Variants in UNC5D observed in about 807,000 individuals in gnomAD.
The protein encoded by UNC5D is unc-5 netrin receptor D, also known as netrin receptor UNC5D.
UNC5D carries 39 observed loss-of-function variants against 105.4 expected under a neutral mutation model. The ratio of observed to expected loss-of-function variants is 0.37; its 90% CI spans 0.29 to 0.48. The LOEUF is 0.48. Among genes scored for constraint, UNC5D ranks in the 20% least tolerant of loss-of-function variants. UNC5D has a pLI of 0.98. For missense variants in UNC5D, 991 were observed against 1,202.4 expected, an observed-to-expected ratio of 0.82 and a Z score of 2.60; for synonymous variants, 452 against 450.4, an observed-to-expected ratio of 1.00 and a Z score of -0.04.
At chr8:35,262,887 T>A (rs186669997) in intron 1 of UNC5D, among the ~76,000 whole-genome samples, 40 of 152,330 alleles carry the variant, frequency 2.6e-4, no homozygotes, top group Admixed American at 1.6e-3. Context: ...GTACGATTAA[T>A]CTTCAGTACC....
intron 8 of UNC5D, 111 bp from the exon 9 acceptor site, chr8:35,722,099 G>A (rs1399125896): frequency 1.7e-6 from 2 of 1,207,418 alleles, no homozygotes; most frequent in African/African-American, 3.0e-5. Flanking sequence ...ATCTGTCATT[G>A]TCTCTGAGCA....
chr8:35,433,485 C>A (rs761687568), intron 1 of UNC5D, among the ~76,000 whole-genome samples: 4 of 152,044 alleles, frequency 2.6e-5, no homozygotes, highest in Non-Finnish European at 4.4e-5. Flanking sequence ...GTATTAATTT[C>A]TATCAACTCC....
intron 8 of UNC5D, among the ~76,000 whole-genome samples, chr8:35,710,456 G>T (rs1280906724): frequency 6.6e-6 from 1 of 152,146 alleles, no homozygotes; most frequent in Non-Finnish European, 1.5e-5. Flanking sequence ...CTAAGTTTGA[G>T]TTACCTATTA....
At chr8:35,687,571 T>C (rs967892623) in intron 7 of UNC5D, among the ~76,000 whole-genome samples, 3 of 152,124 alleles carry the variant, frequency 2.0e-5, no homozygotes, top group African/African-American at 7.2e-5. Context: ...AAGTCTTGGC[T>C]TTATTCCTGA....
At chr8:35,489,420 G>A (rs1432086526) in intron 1 of UNC5D, among the ~76,000 whole-genome samples, 2 of 152,098 alleles carry the variant, frequency 1.3e-5, no homozygotes, top group Non-Finnish European at 2.9e-5. Flanking sequence ...CATTTAAGAA[G>A]GTGATTAAGT....
Position 35,764,589 on chromosome 8 carries a change from G to A in UNC5D, c.2314-2313G>A, listed in dbSNP as rs373014081. Among the ~76,000 whole-genome samples the A allele has an allele frequency of 3.3e-5, 5 of 152,328 alleles. No individual in the cohort carries two copies. In the East Asian group the frequency reaches 5.8e-4, roughly 18 times the overall value. On this transcript the variant is annotated intron_variant, in intron 14 of 16. Transcript: ENST00000404895. ...GAGAAAATGACTTACTGTAGGCATT[G>A]CAGGAGGCCCCACAAATCAGAAATG...
intron 1 of UNC5D, among the ~76,000 whole-genome samples, chr8:35,540,951 C>T (rs1186062121): frequency 6.6e-6 from 1 of 152,128 alleles, no homozygotes; most frequent in African/African-American, 2.4e-5. Context: ...AGGGCCCATG[C>T]TGTAAACCAA....
chr8:35,256,696 C>T (rs1039030679), intron 1 of UNC5D: 1 of 152,000 alleles, frequency 6.6e-6, no homozygotes, highest in Non-Finnish European at 1.5e-5. Context: ...CACAGGGCAG[C>T]CTAACTCCAA....
rs139207680 is a variant in UNC5D, at chr8:35,323,972, G to A, written c.103+88085G>A. Among the ~76,000 whole-genome samples, 18 of 152,186 alleles carry A rather than the reference G, an allele frequency of 1.2e-4. No individual in the cohort carries two copies. In the East Asian group the frequency reaches 3.3e-3, roughly 28 times the overall value. The stretch of plus-strand genomic sequence containing the variant: ...TGACTGGGTATGTTGGCTCATTCCT[G>A]TAATCCCAGCACTTTGGGAAGCCAA... On this transcript the variant is annotated intron_variant, in intron 1 of 16. Transcript: ENST00000404895.
At position 35,549,500 on chromosome 8, in the gene UNC5D, C is replaced by T. The variant is rs1309478525; in HGVS notation, c.312C>T (p.Asp104=). 5.6e-6 allele frequency: 9 copies of T among 1,611,484 alleles called. No individual in the cohort carries two copies. The highest frequency in any genetic ancestry group is 3.3e-5 in the South Asian group (3 of 90,916). Residue 104 remains aspartate (D), a synonymous_variant, in exon 2 of 17, where the codon GAC becomes GAT. Transcript: ENST00000404895. ...QNEHVSEETL[D]ESSGLKVREV... ...AGCACGTCTCTGAAGAGACTCTGGACGAGAGCTCAGGTAGGAGCGTGCAGC... is the reference window on the plus strand; with the variant it reads ...AGCACGTCTCTGAAGAGACTCTGGATGAGAGCTCAGGTAGGAGCGTGCAGC...
At chr8:35,391,519 C>A (rs543611305) in intron 1 of UNC5D, among the ~76,000 whole-genome samples, 1 of 152,252 alleles carries the variant, frequency 6.6e-6, no homozygotes, top group South Asian at 2.1e-4. Context: ...TCCATGCCCC[C>A]AGTCTTCACA....
chr8:35,747,274 A>ATAAC (rs1313836017), intron 11 of UNC5D, among the ~76,000 whole-genome samples: 4 of 152,210 alleles, frequency 2.6e-5, no homozygotes, highest in African/African-American at 9.6e-5. Context: ...GAGCTCAAGT[A>ATAAC]TAACCATTAC....
intron 1 of UNC5D, among the ~76,000 whole-genome samples, chr8:35,447,588 A>G (rs1462071659): frequency 6.6e-6 from 1 of 152,118 alleles, no homozygotes. Context: ...TCTAGGAGAA[A>G]TTGTGAGACT....
At chr8:35,485,571 G>C (rs72634930) in intron 1 of UNC5D, among the ~76,000 whole-genome samples, 8,943 of 152,180 alleles carry the variant, frequency 0.059, 367 homozygotes, top group Non-Finnish European at 0.09. Flanking sequence ...TGAATATCCA[G>C]TGTATTAATA....
intron 1 of UNC5D, among the ~76,000 whole-genome samples, chr8:35,470,347 G>A (rs7010507): frequency 0.038 from 5,817 of 151,948 alleles, 360 homozygotes; most frequent in African/African-American, 0.13. Flanking sequence ...CATTTATTGC[G>A]TCTCTTCTGC....
intron 1 of UNC5D, among the ~76,000 whole-genome samples, chr8:35,449,606 G>T (rs1258986027): frequency 6.6e-6 from 1 of 152,086 alleles, no homozygotes; most frequent in African/African-American, 2.4e-5. Context: ...TATTTTATAT[G>T]CTTGGGAAAT....
At chr8:35,446,119 A>T (rs1185263845) in intron 1 of UNC5D, among the ~76,000 whole-genome samples, 3 of 151,950 alleles carry the variant, frequency 2.0e-5, no homozygotes, top group African/African-American at 7.2e-5. Context: ...TGAGCAGTAT[A>T]CACTGACCTC....
At chr8:35,535,065 A>G (rs1252126536) in intron 1 of UNC5D, among the ~76,000 whole-genome samples, 1 of 152,182 alleles carries the variant, frequency 6.6e-6, no homozygotes, top group African/African-American at 2.4e-5. Context: ...AAACCTGTAC[A>G]GTAGTAATAC....
At chr8:35,399,260 G>C (rs1804299419) in intron 1 of UNC5D, among the ~76,000 whole-genome samples, 1 of 151,610 alleles carries the variant, frequency 6.6e-6, no homozygotes, top group African/African-American at 2.4e-5. Flanking sequence ...TAGATTTCTA[G>C]GAGCAAACCA....
Sources: allele counts gnomAD v4.1 joint callset (sites outside exome capture counted in the v4.1 genomes callset), GRCh38; gene constraint gnomAD v4.1.1; transcripts MANE v1.5; gene names NCBI Gene and HGNC (gene_info 2026-07-23, HGNC 2026-07-21).